SMAP2: variants seen among roughly 807,000 people sequenced by gnomAD.
SMAP2 encodes the protein small ArfGAP2.
A neutral mutation model predicts 56.4 loss-of-function variants in SMAP2; 25 were observed. The ratio of observed to expected loss-of-function variants is 0.44; its 90% CI spans 0.32 to 0.62. The LOEUF is 0.62. Among genes scored for constraint, SMAP2 ranks in the 20% least tolerant of loss-of-function variants. The pLI, the probability that SMAP2 is intolerant of heterozygous loss-of-function variation, is 0.04. For synonymous variants in SMAP2, 157 were observed against 181.7 expected (o/e 0.86, Z 1.09); for missense variants, 388 against 545.6 (o/e 0.71, Z 2.88).
intron 5 of SMAP2, 149 bp from the exon 6 acceptor site, chr1:40,414,010 A>T (rs1435959966): frequency 1.5e-6 from 1 of 660,368 alleles, no homozygotes; most frequent in Non-Finnish European, 2.6e-6. Flanking sequence ...TGATTCTTTC[A>T]CCTAATACTT....
chr1:40,416,589 T>C (rs1433875426), intron 8 of SMAP2, among the ~76,000 whole-genome samples, 191 bp from the exon 9 acceptor site: 1 of 152,096 alleles, frequency 6.6e-6, no homozygotes, highest in Non-Finnish European at 1.5e-5. Context: ...AAAGGGAAAA[T>C]GGCTCGGTCA....
At chr1:40,401,241 T>C (rs1196544025) in intron 1 of SMAP2, among the ~76,000 whole-genome samples, 1 of 152,116 alleles carries the variant, frequency 6.6e-6, no homozygotes, top group Non-Finnish European at 1.5e-5. Context: ...CCAGCCTGGG[T>C]GACAGAGCGA....
At chr1:40,381,769 G>T (rs1212747326) in intron 1 of SMAP2, among the ~76,000 whole-genome samples, 1 of 152,144 alleles carries the variant, frequency 6.6e-6, no homozygotes, top group African/African-American at 2.4e-5. Context: ...TTCACATGGG[G>T]TTATAAATAT....
At chr1:40,353,927 G>A (rs1644421495) in intron 1 of SMAP2, among the ~76,000 whole-genome samples, 1 of 151,994 alleles carries the variant, frequency 6.6e-6, no homozygotes, top group Admixed American at 6.6e-5. Flanking sequence ...AGGTGACACT[G>A]ATGCTGCTTG....
chr1:40,413,128 A>G (rs781486742), intron 5 of SMAP2, 26 bp downstream of exon 5: 7 of 1,541,330 alleles, frequency 4.5e-6, no homozygotes, highest in African/African-American at 1.4e-5. Flanking sequence ...TTTGCACTGT[A>G]TGGACAGCCT....
intron 1 of SMAP2, among the ~76,000 whole-genome samples, chr1:40,383,960 G>A (rs1037962431): frequency 4.6e-5 from 7 of 151,874 alleles, no homozygotes; most frequent in African/African-American, 1.7e-4. Flanking sequence ...GCTTTGATGC[G>A]ATCTCAGCTC....
intron 1 of SMAP2, among the ~76,000 whole-genome samples, chr1:40,392,333 C>G (rs762014224): frequency 2.6e-5 from 4 of 151,896 alleles, no homozygotes; most frequent in Non-Finnish European, 5.9e-5. Context: ...GATTCCAAAG[C>G]CATGATTCAG....
intron 1 of SMAP2, among the ~76,000 whole-genome samples, chr1:40,347,617 C>A (rs1205072578): frequency 6.6e-6 from 1 of 152,164 alleles, no homozygotes; most frequent in Non-Finnish European, 1.5e-5. Context: ...ATTCCCCTGG[C>A]TCAGCCTCCT....
chr1:40,352,058 T>C (rs1644411365), intron 1 of SMAP2, among the ~76,000 whole-genome samples: 1 of 152,080 alleles, frequency 6.6e-6, no homozygotes, highest in Admixed American at 6.6e-5. Flanking sequence ...GAAAGCAAGT[T>C]TATTAAGAAA....
At chr1:40,383,127 G>C (rs1214235831) in intron 1 of SMAP2, among the ~76,000 whole-genome samples, 4 of 152,212 alleles carry the variant, frequency 2.6e-5, no homozygotes, top group Non-Finnish European at 5.9e-5. Flanking sequence ...AAGCTGAACA[G>C]GGGCTGGTGA....
chr1:40,347,024 ATTTATTT>A (rs1358346975), intron 1 of SMAP2, among the ~76,000 whole-genome samples: 1 of 26,092 alleles, frequency 3.8e-5, no homozygotes, highest in East Asian at 0.021. Context: ...TTAAAAATCT[ATTTATTT>A]ATTTATTTAT....
At chr1:40,387,035 T>A (rs1318357128) in intron 1 of SMAP2, among the ~76,000 whole-genome samples, 1 of 152,058 alleles carries the variant, frequency 6.6e-6, no homozygotes, top group Non-Finnish European at 1.5e-5. Context: ...GTATTTTTAG[T>A]ACAGACAGGG....
intron 9 of SMAP2, among the ~76,000 whole-genome samples, chr1:40,421,410 C>T (rs1645040330): frequency 6.6e-6 from 1 of 151,876 alleles, no homozygotes; most frequent in Non-Finnish European, 1.5e-5. Flanking sequence ...ACTGTTTTCT[C>T]CCAGCTCCTT....
At chr1:40,418,055 A>C (rs1299699623) in intron 9 of SMAP2, among the ~76,000 whole-genome samples, 1 of 152,248 alleles carries the variant, frequency 6.6e-6, no homozygotes, top group Admixed American at 6.5e-5. Context: ...CTCAAAAAAC[A>C]GTCATGAAGC....
chr1:40,371,231 GA>G (rs1224966765), upstream of SMAP2, among the ~76,000 whole-genome samples: 3 of 152,040 alleles, frequency 2.0e-5, no homozygotes, highest in Non-Finnish European at 4.4e-5. Context: ...ACATGTGCAT[GA>G]TGGAACAGAG....
chr1:40,389,723 A>T (rs768443513), intron 1 of SMAP2, among the ~76,000 whole-genome samples: 2 of 152,238 alleles, frequency 1.3e-5, no homozygotes, highest in African/African-American at 4.8e-5. Flanking sequence ...AGTGTGAAAC[A>T]GGAGGCTGAA....
chr1:40,418,029 G>A (rs1391097065), intron 9 of SMAP2, among the ~76,000 whole-genome samples: 2 of 152,084 alleles, frequency 1.3e-5, no homozygotes, highest in African/African-American at 4.8e-5. Flanking sequence ...AACATTTCAC[G>A]TAATGAATAT....
chr1:40,419,563 GC>G (rs1034637771), intron 9 of SMAP2, among the ~76,000 whole-genome samples: 28 of 152,220 alleles, frequency 1.8e-4, no homozygotes, highest in African/African-American at 6.5e-4. Flanking sequence ...GGGATTACAG[GC>G]ATGAGCCACT....
Position 40,416,266 on chromosome 1 carries a change from A to G in SMAP2, c.772A>G (p.Ile258Val), listed in dbSNP as rs774465503. The change falls in exon 8 of 10, where the codon ATA (isoleucine) becomes GTA (valine). Residue 258 changes from isoleucine to valine, a missense_variant. Ile to Val is a conservative substitution (Grantham distance 29). Transcript: ENST00000372718. ...FPEPGSKSEE[I>V]GKKQLSKDSI... ...GGAGCCAGGGAGCAAATCAGAAGAAATAGGCAAGAAACAGCTCTCTAAAGA... is the reference window on the plus strand; with the variant it reads ...GGAGCCAGGGAGCAAATCAGAAGAAGTAGGCAAGAAACAGCTCTCTAAAGA... 10 of 1,613,988 alleles carry G rather than the reference A, an allele frequency of 6.2e-6. No homozygotes were observed. In the Admixed American group the frequency reaches 6.7e-5, roughly 11 times the overall value.
Sources: gnomAD v4.1 joint callset for allele counts (sites outside exome capture counted in the v4.1 genomes callset) on GRCh38, gnomAD v4.1.1 for gene constraint, MANE v1.5 for transcripts, NCBI Gene and HGNC (gene_info 2026-07-23, HGNC 2026-07-21) for gene names.